Variants in WDPCP observed in about 807,000 individuals in gnomAD.
WDPCP encodes WD repeat-containing and planar cell polarity effector protein fritz homolog.
In WDPCP, 71 loss-of-function variants were observed where a neutral mutation model predicts 93.1. The observed-to-expected ratio is 0.76, with a 90% confidence interval of 0.63 to 0.93. The LOEUF is 0.93. Among genes scored for constraint, WDPCP ranks in the 40% least tolerant of loss-of-function variants. The pLI is 0.00. For missense variants in WDPCP, 844 were observed against 887.4 expected, an observed-to-expected ratio of 0.95 and a Z score of 0.62; for synonymous variants, 315 against 315.0, an observed-to-expected ratio of 1.00 and a Z score of 0.00.
Position 63,752,502 on chromosome 2 carries a change from T to G in WDPCP, n.308+61120A>C, listed in dbSNP as rs557675902. On this transcript the variant is annotated intron_variant and non_coding_transcript_variant, in intron 2 of 4. Transcript: ENST00000467687. ...GAGCGCTTGGTGTTGGGATCTCTCA[T>G]GACCACACAGCTTGTGAGCATTCCC... 6.6e-6 allele frequency: 5 copies of G among 757,898 alleles called. No individual in the cohort carries two copies. The South Asian group carries it at 7.0e-5, about 11-fold the overall frequency. The allele number at this position is 757,898 out of a possible 1,614,324, so 46.9% of individuals were successfully genotyped here.
chr2:63,403,113 T>G (rs534237069), intron 10 of WDPCP, among the ~76,000 whole-genome samples: 1 of 150,768 alleles, frequency 6.6e-6, no homozygotes, highest in South Asian at 2.1e-4. Flanking sequence ...CAAGATAATG[T>G]TTTTTGCAGG....
intron 12 of WDPCP, among the ~76,000 whole-genome samples, chr2:63,322,581 T>C (rs952598614): frequency 6.6e-6 from 1 of 151,930 alleles, no homozygotes; most frequent in Non-Finnish European, 1.5e-5. Flanking sequence ...GGTCTGCGGC[T>C]TCACTCCTGA....
chr2:63,581,365 G>A (rs1437720184), intron 1 of WDPCP, among the ~76,000 whole-genome samples: 1 of 152,184 alleles, frequency 6.6e-6, no homozygotes, highest in Admixed American at 6.5e-5. Context: ...TTCCGCTTGA[G>A]AATTCAGCTG....
chr2:63,384,833 T>A (rs1200802407), intron 10 of WDPCP, among the ~76,000 whole-genome samples: 2 of 151,916 alleles, frequency 1.3e-5, no homozygotes, highest in African/African-American at 4.8e-5. Flanking sequence ...TTCATGTGGT[T>A]AGAATTACAC....
chr2:63,565,707 GA>G (rs1706990190), intron 1 of WDPCP, among the ~76,000 whole-genome samples: 1 of 151,874 alleles, frequency 6.6e-6, no homozygotes, highest in African/African-American at 2.4e-5. Context: ...CTCTATTTTT[GA>G]AAAAATACTG....
At chr2:63,376,506 G>A (rs1471524211) in intron 12 of WDPCP, among the ~76,000 whole-genome samples, 1 of 151,630 alleles carries the variant, frequency 6.6e-6, no homozygotes, top group Admixed American at 6.6e-5. Context: ...CTAAATCACT[G>A]CATAAAATCT....
intron 17 of WDPCP, among the ~76,000 whole-genome samples, chr2:63,131,355 T>C (rs1169447809): frequency 2.6e-5 from 4 of 152,174 alleles, no homozygotes; most frequent in Admixed American, 2.6e-4. Flanking sequence ...TTGTGTGCAC[T>C]ATATAGATAT....
At chr2:63,545,775 C>T (rs1705110442) in intron 1 of WDPCP, among the ~76,000 whole-genome samples, 1 of 151,614 alleles carries the variant, frequency 6.6e-6, no homozygotes, top group South Asian at 2.1e-4. Flanking sequence ...ATATGACACA[C>T]CTCCTTGGCA....
At chr2:63,601,351 C>A (rs972040830) in intron 3 of WDPCP, among the ~76,000 whole-genome samples, 3 of 152,298 alleles carry the variant, frequency 2.0e-5, no homozygotes, top group South Asian at 2.1e-4. Flanking sequence ...CTGTTTAACA[C>A]CTGCAGAACT....
At chr2:63,671,706 C>T (rs1041208576) in intron 2 of WDPCP, among the ~76,000 whole-genome samples, 4 of 152,142 alleles carry the variant, frequency 2.6e-5, no homozygotes, top group African/African-American at 9.7e-5. Flanking sequence ...CGCCACCACA[C>T]CCCGCCAATC....
intron 2 of WDPCP, among the ~76,000 whole-genome samples, chr2:63,736,957 GA>G (rs111442199): frequency 3.8e-4 from 55 of 146,554 alleles, no homozygotes; most frequent in African/African-American, 8.2e-4. Context: ...CAAAGACAAA[GA>G]AAAAAAAAAC....
intron 13 of WDPCP, among the ~76,000 whole-genome samples, chr2:63,261,778 C>T (rs1390773956): frequency 6.6e-6 from 1 of 152,168 alleles, no homozygotes; most frequent in Non-Finnish European, 1.5e-5. Flanking sequence ...TCACAAATCT[C>T]TAATATTTGC....
intron 3 of WDPCP, among the ~76,000 whole-genome samples, chr2:63,631,595 C>T (rs1422968695): frequency 2.0e-5 from 3 of 151,992 alleles, no homozygotes; most frequent in East Asian, 3.9e-4. Flanking sequence ...TAAAAATAGC[C>T]CTGAGAGGGC....
At chr2:63,301,111 A>G (rs1394260558) in intron 13 of WDPCP, among the ~76,000 whole-genome samples, 1 of 152,236 alleles carries the variant, frequency 6.6e-6, no homozygotes, top group East Asian at 1.9e-4. Flanking sequence ...ACAGGGATCC[A>G]TGAGGCACAT....
chr2:63,733,748 A>T (rs1016913365), intron 2 of WDPCP, among the ~76,000 whole-genome samples: 23 of 152,052 alleles, frequency 1.5e-4, no homozygotes, highest in Admixed American at 3.3e-4. Flanking sequence ...TATTTTTTTT[A>T]AATTGGGATA....
chr2:63,420,852 C>T (rs1225207181), intron 9 of WDPCP, among the ~76,000 whole-genome samples: 6 of 152,188 alleles, frequency 3.9e-5, no homozygotes, highest in African/African-American at 7.2e-5. Flanking sequence ...TCTGAATTCA[C>T]CACAAGATGT....
chr2:63,756,141 G>A (rs1669965052), intron 2 of WDPCP, among the ~76,000 whole-genome samples: 2 of 152,192 alleles, frequency 1.3e-5, no homozygotes, highest in African/African-American at 4.8e-5. Context: ...CTGCATCAGT[G>A]AACTGGAATT....
At chr2:63,750,103 G>A (rs1221327394) in intron 2 of WDPCP, among the ~76,000 whole-genome samples, 1 of 152,030 alleles carries the variant, frequency 6.6e-6, no homozygotes, top group African/African-American at 2.4e-5. Context: ...AAGTGATTTT[G>A]AAGAATGAGA....
intron 1 of WDPCP, among the ~76,000 whole-genome samples, chr2:63,494,314 CGAT>C (rs756773052): frequency 1.1e-4 from 14 of 124,234 alleles, no homozygotes; most frequent in South Asian, 8.0e-4. Context: ...ATGATGATGA[CGAT>C]GATGATGATG....
Sources: allele counts gnomAD v4.1 joint callset (sites outside exome capture counted in the v4.1 genomes callset), GRCh38; gene constraint gnomAD v4.1.1; transcripts MANE v1.5; gene names NCBI Gene and HGNC (gene_info 2026-07-23, HGNC 2026-07-21).